The following TNRC18 variants were observed in gnomAD, a reference collection of about 807,000 sequenced individuals.
TNRC18 encodes the protein trinucleotide repeat containing 18.
TNRC18 carries 69 observed loss-of-function variants against 226.7 expected under a neutral mutation model. The ratio of observed to expected loss-of-function variants is 0.30; its 90% CI spans 0.25 to 0.37. TNRC18 has a LOEUF of 0.37. Among genes scored for constraint, TNRC18 ranks in the 10% least tolerant of loss-of-function variants. The probability of loss-of-function intolerance (pLI) is 1.00; values close to 1 mark genes in which losing one functional copy is unlikely to be tolerated. For synonymous variants in TNRC18, 2,449 were observed against 1,927.6 expected (o/e 1.27, Z -7.09); for missense variants, 4,754 against 4,256.6 (o/e 1.12, Z -3.25).
At position 5,394,634 on chromosome 7, in the gene TNRC18, C is replaced by T. The variant is rs756483868; in HGVS notation, c.188-39G>A. On this transcript the variant is annotated intron_variant, in intron 2 of 29. Transcript: ENST00000430969. This position sits in a 1 kb window ranked among gnomAD's most constrained non-coding sequence, Gnocchi z 4.5. The stretch of plus-strand genomic sequence containing the variant: ...TTGGGAGGACCGTCAGGCAGACAAC[C>T]AGGGAGGCGCCGCCGCCCCAGCCCA... The T allele has an allele frequency of 6.6e-7, 1 of 1,506,580 alleles. No individual in the cohort carries two copies. Among genetic ancestry groups the T allele is most frequent in the South Asian group, 1.2e-5 (1 of 81,106 alleles). The allele number at this position is 1,506,580 out of a possible 1,614,324, so 93.3% of individuals were successfully genotyped here.
At chr7:5,392,934 C>G (rs1015400920) in intron 3 of TNRC18, among the ~76,000 whole-genome samples, 1 of 152,106 alleles carries the variant, frequency 6.6e-6, no homozygotes, top group Non-Finnish European at 1.5e-5. Flanking sequence ...ATGGCTTGAG[C>G]CTGGGAGGCG....
Position 5,421,075 on chromosome 7 carries a change from G to A in TNRC18, c.172C>T (p.Leu58Phe). 4.6e-6 allele frequency: 7 copies of A among 1,508,950 alleles called. No homozygotes were observed. The highest frequency in any genetic ancestry group is 2.5e-5 in the East Asian group (1 of 40,134). 93.5% of individuals were successfully genotyped at this position (1,508,950 alleles called of 1,614,324 possible). The change falls in exon 2 of 30, where the codon CTC (leucine) becomes TTC (phenylalanine). Residue 58 changes from leucine to phenylalanine, a missense_variant. Coordinates refer to ENST00000430969, the MANE Select transcript of TNRC18 (RefSeq NM_001080495.3). ...PPGKYMAGLN[L>F]HPHPGEAFLG... ...GGGCACTTACCCGGGTGCGGATGGAGATTCAGGCCGGCCATGTACTTCCCG... is the reference window on the plus strand; with the variant it reads ...GGGCACTTACCCGGGTGCGGATGGAAATTCAGGCCGGCCATGTACTTCCCG...
intron 22 of TNRC18, among the ~76,000 whole-genome samples, chr7:5,320,859 G>A (rs531370165): frequency 1.8e-4 from 28 of 152,364 alleles, no homozygotes; most frequent in East Asian, 1.2e-3. Flanking sequence ...TCCCGCTGCG[G>A]AGCAGCCGCG....
At chr7:5,346,690 C>G (rs61212333) in intron 17 of TNRC18, among the ~76,000 whole-genome samples, 29,092 of 152,044 alleles carry the variant, frequency 0.19, 2,952 homozygotes, top group Admixed American at 0.21. Context: ...CTCCTAGCAA[C>G]TCCCCCATTC....
At chr7:5,420,486 G>C (rs903646816) in intron 2 of TNRC18, 8 of 450,456 alleles carry the variant, frequency 1.8e-5, no homozygotes, top group Non-Finnish European at 3.6e-5. Context: ...GGGGAAGAAA[G>C]GGGCATCCCG....
intron 10 of TNRC18, 107 bp downstream of exon 10, chr7:5,373,948 T>A (rs779150182): frequency 1.9e-4 from 168 of 882,524 alleles, no homozygotes; most frequent in Non-Finnish European, 2.5e-4. Flanking sequence ...AGGTGCTCCG[T>A]GGAGGTGGAA....
intron 11 of TNRC18, among the ~76,000 whole-genome samples, chr7:5,369,580 G>A (rs949792374): frequency 1.3e-5 from 2 of 152,066 alleles, no homozygotes; most frequent in African/African-American, 4.8e-5. Context: ...AGGGAAGGAG[G>A]GAAGGAGGGA....
chr7:5,416,992 A>G (rs1782232535), intron 2 of TNRC18, among the ~76,000 whole-genome samples: 1 of 16,200 alleles, frequency 6.2e-5, no homozygotes, highest in South Asian at 2.3e-3. Flanking sequence ...TTAAAAAAAA[A>G]ATTTTTTTTT....
intron 3 of TNRC18, among the ~76,000 whole-genome samples, 200 bp from the exon 4 acceptor site, chr7:5,390,828 G>T (rs746086431): frequency 3.3e-5 from 5 of 151,898 alleles, no homozygotes; most frequent in Non-Finnish European, 5.9e-5. Flanking sequence ...CAGCCCTCAC[G>T]GGGGACTGGG....
In TNRC18 at chr7:5,324,478, G is replaced by A. The variant is rs1788696781; in HGVS notation, c.6301-123C>T. The A allele has an allele frequency of 5.2e-6, 7 of 1,353,966 alleles. No individual in the cohort carries two copies. In the East Asian group the frequency reaches 9.4e-5, roughly 18 times the overall value. The allele number at this position is 1,353,966 out of a possible 1,614,324, so 83.9% of individuals were successfully genotyped here. A position where few individuals can be genotyped will look rare whatever the true frequency, so the allele number is the denominator to read the frequency against. ...GCAGGGGGAATCTGTCATGTGCATG[G>A]CAGGGATCCCAGTTAGGGGCACCCC... is the stretch of plus-strand genomic sequence containing the variant. On this transcript the variant is annotated intron_variant, in intron 20 of 29. Coordinates refer to ENST00000430969, the MANE Select transcript of TNRC18 (RefSeq NM_001080495.3). The surrounding 1 kb of genome is among the most constrained non-coding windows in gnomAD (Gnocchi z 4.8).
chr7:5,351,913 C>T lies in TNRC18; in HGVS notation c.5376G>A (p.Pro1792=), dbSNP rs745366836. 24 of 1,613,546 alleles carry T rather than the reference C, an allele frequency of 1.5e-5. No individual in the cohort carries two copies. The highest frequency in any genetic ancestry group is 1.6e-4 in the Middle Eastern group (1 of 6,082). ...AAAACGGCTGCTTCCTGCTGGTGGC[C>T]GGCTTGGGTTTCAGAGTCCGGGGGG... The part of the protein sequence containing the change: ...LAAPRTLKPK[P]ATSRKQPFCL... Residue 1792 remains proline (P), a synonymous_variant, in exon 17 of 30, where the codon CCG becomes CCA. Coordinates refer to ENST00000430969, the MANE Select transcript of TNRC18 (RefSeq NM_001080495.3).
At chr7:5,372,748 G>A (rs988796089) in intron 10 of TNRC18, among the ~76,000 whole-genome samples, 1 of 152,088 alleles carries the variant, frequency 6.6e-6, no homozygotes, top group Non-Finnish European at 1.5e-5. Context: ...AGGGCTAGCT[G>A]CAGTGGTCTC....
At position 5,357,308 on chromosome 7, in the gene TNRC18, G is replaced by T. The variant is rs140274409; in HGVS notation, c.4834-32C>A. On this transcript the variant is annotated intron_variant, in intron 15 of 29. Transcript: ENST00000430969. ...AGGGAAGGTGGGTCATGGGTTAAAA[G>T]ATCTGACAAAACAGTATAGTGGGTT... 6.4e-4 allele frequency: 1,013 copies of T among 1,583,018 alleles called. 8 individuals carry two copies. The African/African-American group carries it at 0.01, about 16-fold the overall frequency.
Position 5,394,400 on chromosome 7 carries a change from GC to G in TNRC18, c.343+39del. The G allele has an allele frequency of 6.8e-7, 1 of 1,477,078 alleles. No homozygotes were observed. Among genetic ancestry groups the G allele is most frequent in the Admixed American group, 2.6e-5 (1 of 38,254 alleles). The allele number at this position is 1,477,078 out of a possible 1,614,324, so 91.5% of individuals were successfully genotyped here. On this transcript the variant is annotated intron_variant, in intron 3 of 29. Coordinates refer to ENST00000430969, the MANE Select transcript of TNRC18 (RefSeq NM_001080495.3). This position sits in a 1 kb window ranked among gnomAD's most constrained non-coding sequence, Gnocchi z 4.5. ...AGTGGCCAGAGTGGCTGGGACGTCA[GC>G]CCAGCAGCCCTCAGCCCCGACCCCG...
chr7:5,403,792 TAA>T (rs551657031), intron 2 of TNRC18, among the ~76,000 whole-genome samples: 2 of 137,536 alleles, frequency 1.5e-5, no homozygotes, highest in Non-Finnish European at 1.6e-5. Context: ...CCTGTCTGTT[TAA>T]AAAAAAAAAA....
chr7:5,380,167 C>A (rs1377112248), intron 5 of TNRC18, among the ~76,000 whole-genome samples: 1 of 152,172 alleles, frequency 6.6e-6, no homozygotes, highest in Non-Finnish European at 1.5e-5. Context: ...CACCCCAGGC[C>A]CGACAGAATG....
chr7:5,316,137 GTC>G, intron 24 of TNRC18, 65 bp from the exon 25 acceptor site: 3 of 1,320,614 alleles, frequency 2.3e-6, no homozygotes, highest in Non-Finnish European at 2.1e-6. Flanking sequence ...ACGCACAAGG[GTC>G]AGGATGGCAG....
chr7:5,401,761 T>C (rs1241770400), intron 2 of TNRC18, among the ~76,000 whole-genome samples: 2 of 152,186 alleles, frequency 1.3e-5, no homozygotes, highest in Admixed American at 6.5e-5. Flanking sequence ...TTATTCCTAG[T>C]CCTATGCTGC....
At chr7:5,337,341 G>A (rs770144188) in intron 18 of TNRC18, among the ~76,000 whole-genome samples, 4 of 152,072 alleles carry the variant, frequency 2.6e-5, no homozygotes, top group Non-Finnish European at 4.4e-5. Flanking sequence ...CTAAGAGGCC[G>A]GGCATGATGG....
Sources: allele counts gnomAD v4.1 joint callset (sites outside exome capture counted in the v4.1 genomes callset), GRCh38; gene constraint gnomAD v4.1.1; non-coding constraint Gnocchi (gnomAD v3.1); transcripts MANE v1.5; gene names NCBI Gene and HGNC (gene_info 2026-07-23, HGNC 2026-07-21).